NEMP2: variants seen among roughly 807,000 people sequenced by gnomAD.
NEMP2 encodes the protein UPF0571 transmembrane protein.
In NEMP2, 53 loss-of-function variants were observed where a neutral mutation model predicts 54.2. The ratio of observed to expected loss-of-function variants is 0.98; its 90% CI spans 0.78 to 1.23. The LOEUF (loss-of-function observed/expected upper bound fraction) is 1.23, where lower values mean the gene tolerates loss of function less well. Ranked by LOEUF, NEMP2 falls within the 50% of genes most tolerant of loss-of-function variation. NEMP2 has a pLI of 0.00. For synonymous variants in NEMP2, 197 were observed against 190.3 expected (o/e 1.04, Z -0.29); for missense variants, 455 against 511.3 (o/e 0.89, Z 1.06).
chr2:190,588,072 TG>T, the NEMP2 span, among the ~76,000 whole-genome samples: 149 of 152,210 alleles, frequency 9.8e-4, no homozygotes, highest in African/African-American at 3.4e-3. The surrounding 1 kb of genome is among the most constrained non-coding windows in gnomAD (Gnocchi z 5.0). Flanking sequence ...TAAGAAAAAA[TG>T]GCAAAAGTTG....
chr2:190,637,555 C>T, the NEMP2 span, among the ~76,000 whole-genome samples: 1 of 152,226 alleles, frequency 6.6e-6, no homozygotes, highest in Admixed American at 6.5e-5. This position sits in a 1 kb window ranked among gnomAD's most constrained non-coding sequence, Gnocchi z 4.5. Flanking sequence ...TAAGTTACTG[C>T]TCATGTTTAT....
the NEMP2 span, chr2:190,628,196 A>G: frequency 1.3e-5 from 2 of 152,254 alleles, no homozygotes; most frequent in African/African-American, 2.4e-5. This position sits in a 1 kb window ranked among gnomAD's most constrained non-coding sequence, Gnocchi z 4.1. Context: ...CATTTACTCC[A>G]TTTTAGACTC....
At chr2:190,592,321 C>T in the NEMP2 span, among the ~76,000 whole-genome samples, 1 of 152,090 alleles carries the variant, frequency 6.6e-6, no homozygotes, top group Non-Finnish European at 1.5e-5. The surrounding 1 kb of genome is among the most constrained non-coding windows in gnomAD (Gnocchi z 4.4). Flanking sequence ...TATAGTAGTT[C>T]CATAAATGTT....
the NEMP2 span, among the ~76,000 whole-genome samples, chr2:190,450,750 C>T: frequency 6.6e-6 from 1 of 152,110 alleles, no homozygotes; most frequent in Non-Finnish European, 1.5e-5. Flanking sequence ...ACCTCAGCCT[C>T]CGAAAGTGCT....
At chr2:190,500,114 G>T, downstream of NEMP2, 1 of 1,614,154 alleles carries the variant, frequency 6.2e-7, no homozygotes, top group Non-Finnish European at 8.5e-7. The surrounding 1 kb of genome is among the most constrained non-coding windows in gnomAD (Gnocchi z 5.3). Context: ...ATCCCCTGAC[G>T]CAGCAGCATC....
At chr2:190,555,363 C>G in the NEMP2 span, among the ~76,000 whole-genome samples, 6 of 151,946 alleles carry the variant, frequency 3.9e-5, no homozygotes, top group African/African-American at 1.5e-4. The surrounding 1 kb of genome is among the most constrained non-coding windows in gnomAD (Gnocchi z 4.8). Flanking sequence ...TGGGTAATAA[C>G]AAACTCCTTC....
the NEMP2 span, among the ~76,000 whole-genome samples, chr2:190,597,407 C>T: frequency 0.17 from 25,322 of 151,854 alleles, 2,224 homozygotes; most frequent in East Asian, 0.28. The surrounding 1 kb of genome is among the most constrained non-coding windows in gnomAD (Gnocchi z 4.7). Context: ...GTACTTTTGG[C>T]TGAAGTCTCT....
the NEMP2 span, chr2:190,437,245 G>T: frequency 1.2e-5 from 19 of 1,614,208 alleles, no homozygotes; most frequent in Middle Eastern, 8.2e-4. The surrounding 1 kb of genome is among the most constrained non-coding windows in gnomAD (Gnocchi z 5.9). Flanking sequence ...AGGGAAAGAG[G>T]TGGAGATCCC....
chr2:190,534,604 C>T lies in NEMP2; in HGVS notation c.52G>A (p.Ala18Thr). 4 of 1,391,458 alleles carry T rather than the reference C, an allele frequency of 2.9e-6. No individual in the cohort carries two copies. The highest frequency in any genetic ancestry group is 1.6e-5 in the South Asian group (1 of 63,660). The allele number at this position is 1,391,458 out of a possible 1,614,324, so 86.2% of individuals were successfully genotyped here. ...GCCTCCCCGCGCACGGGCAGTGTGG[C>T]CAGGGGCGGCAGCCAGAGCAGCAGC... The part of the protein sequence containing the change: ...WWLLLWLPPL[A>T]TLPVRGEAAA... Residue 18 changes from alanine (A) to threonine (T), a missense_variant, in exon 1 of 9, where the codon GCC becomes ACC. This residue lies in a region of NEMP2 where 100 missense variants were observed against 80.2 expected (regional missense o/e 1.25). Transcript: ENST00000409150.
the NEMP2 span, among the ~76,000 whole-genome samples, chr2:190,606,199 G>C: frequency 6.6e-6 from 1 of 151,834 alleles, no homozygotes; most frequent in Non-Finnish European, 1.5e-5. Context: ...TTTCCTACTA[G>C]TTACAGCCCC....
chr2:190,497,427 T>A, the NEMP2 span: 1 of 1,607,162 alleles, frequency 6.2e-7, no homozygotes, highest in Non-Finnish European at 8.5e-7. This position sits in a 1 kb window ranked among gnomAD's most constrained non-coding sequence, Gnocchi z 5.2. Flanking sequence ...TTAAACATTC[T>A]TTTCTCTCCA....
downstream of NEMP2, among the ~76,000 whole-genome samples, chr2:190,502,889 T>TAACA (rs1690083672): frequency 1.3e-5 from 2 of 152,320 alleles, no homozygotes; most frequent in South Asian, 2.1e-4. This position sits in a 1 kb window ranked among gnomAD's most constrained non-coding sequence, Gnocchi z 4.4. Context: ...ATTCTGAAGC[T>TAACA]AACAGTTTAA....
In NEMP2 at chr2:190,530,616, G is replaced by A. The variant is rs1691110508; in HGVS notation, c.97+3943C>T. Among the ~76,000 whole-genome samples the A allele has an allele frequency of 1.3e-5, 2 of 152,062 alleles. No homozygotes were observed. The highest frequency in any genetic ancestry group is 2.4e-5 in the African/African-American group (1 of 41,392). On this transcript the variant is annotated intron_variant, in intron 1 of 8. Transcript: ENST00000409150. The surrounding 1 kb of genome is among the most constrained non-coding windows in gnomAD (Gnocchi z 4.6). The stretch of plus-strand genomic sequence containing the variant: ...ATTATAAAGGCTGTATCTTTCTTAG[G>A]TCTCTCCTCCCTTTAGCAATCTTCT...
chr2:190,458,527 T>C, the NEMP2 span, among the ~76,000 whole-genome samples: 1 of 152,184 alleles, frequency 6.6e-6, no homozygotes, highest in Non-Finnish European at 1.5e-5. The surrounding 1 kb of genome is among the most constrained non-coding windows in gnomAD (Gnocchi z 5.3). Context: ...GTCTGTGGTA[T>C]TTGTTACAGC....
chr2:190,486,651 A>G, the NEMP2 span, among the ~76,000 whole-genome samples: 1 of 152,226 alleles, frequency 6.6e-6, no homozygotes, highest in East Asian at 1.9e-4. Flanking sequence ...GAGGAAGGAG[A>G]ATAAATTTAG....
At chr2:190,607,422 A>G in the NEMP2 span, among the ~76,000 whole-genome samples, 1 of 152,178 alleles carries the variant, frequency 6.6e-6, no homozygotes, top group Non-Finnish European at 1.5e-5. This position sits in a 1 kb window ranked among gnomAD's most constrained non-coding sequence, Gnocchi z 5.2. Context: ...CCATGACCCT[A>G]GACTATTACA....
the NEMP2 span, among the ~76,000 whole-genome samples, chr2:190,644,526 TTC>T: frequency 6.6e-6 from 1 of 152,248 alleles, no homozygotes; most frequent in Non-Finnish European, 1.5e-5. The surrounding 1 kb of genome is among the most constrained non-coding windows in gnomAD (Gnocchi z 4.4). Context: ...AAAAAAATTA[TTC>T]TCTTTCTCTA....
At chr2:190,503,311 C>A (rs1690096975), downstream of NEMP2, among the ~76,000 whole-genome samples, 1 of 152,202 alleles carries the variant, frequency 6.6e-6, no homozygotes, top group Non-Finnish European at 1.5e-5. The surrounding 1 kb of genome is among the most constrained non-coding windows in gnomAD (Gnocchi z 6.3). Context: ...TCTGTACTGT[C>A]CGGTAGGACT....
intron 1 of NEMP2, among the ~76,000 whole-genome samples, chr2:190,532,730 T>G (rs1691191299): frequency 6.6e-6 from 1 of 152,204 alleles, no homozygotes; most frequent in Non-Finnish European, 1.5e-5. Context: ...GTACCAGCTG[T>G]TTCCTCTCAG....
Sources: allele counts gnomAD v4.1 joint callset (sites outside exome capture counted in the v4.1 genomes callset), GRCh38; gene constraint gnomAD v4.1.1; regional missense constraint gnomAD v4.1.1; non-coding constraint Gnocchi (gnomAD v3.1); transcripts MANE v1.5; gene names NCBI Gene and HGNC (gene_info 2026-07-23, HGNC 2026-07-21).